LRP1B: variants seen among roughly 807,000 people sequenced by gnomAD.
LRP1B encodes LDL receptor related protein 1B, also known as low-density lipoprotein receptor-related protein 1B.
A neutral mutation model predicts 556.6 loss-of-function variants in LRP1B; 217 were observed. The observed-to-expected ratio is 0.39, with a 90% CI of 0.35 to 0.44. The LOEUF is 0.44. Ranked by LOEUF, LRP1B falls within the 20% of genes least tolerant of loss-of-function variation. LRP1B has a pLI of 1.00. For synonymous variants in LRP1B, 2,047 were observed against 1,865.8 expected (o/e 1.10, Z -2.50); for missense variants, 5,053 against 5,620.8 (o/e 0.90, Z 3.23).
intron 27 of LRP1B, among the ~76,000 whole-genome samples, chr2:140,862,461 A>C (rs1692827626): frequency 5.9e-5 from 9 of 152,146 alleles, no homozygotes; most frequent in Admixed American, 5.9e-4. Context: ...TCAAATATTC[A>C]TTATTATTAT....
At chr2:140,408,177 A>G (rs1684826914) in intron 66 of LRP1B, among the ~76,000 whole-genome samples, 1 of 151,830 alleles carries the variant, frequency 6.6e-6, no homozygotes, top group South Asian at 2.1e-4. Context: ...GAGGATTTAC[A>G]GGCGATGTGG....
At chr2:140,660,171 T>G (rs1013827172) in intron 41 of LRP1B, among the ~76,000 whole-genome samples, 16 of 152,128 alleles carry the variant, frequency 1.1e-4, no homozygotes, top group African/African-American at 3.9e-4. Flanking sequence ...TGCAAAAGTG[T>G]TTTTTTCAAC....
chr2:140,647,319 C>A (rs1684519705), intron 41 of LRP1B, among the ~76,000 whole-genome samples: 1 of 152,176 alleles, frequency 6.6e-6, no homozygotes, highest in Non-Finnish European at 1.5e-5. Context: ...TGCTTTACAT[C>A]ATCAGTGAAC....
At chr2:140,674,597 C>G (rs964641681) in intron 41 of LRP1B, among the ~76,000 whole-genome samples, 1 of 152,142 alleles carries the variant, frequency 6.6e-6, no homozygotes, top group Non-Finnish European at 1.5e-5. Context: ...GTTGTCTTGC[C>G]TTTCCCAACT....
In LRP1B at chr2:140,970,035, C is replaced by T. The variant is rs184874121; in HGVS notation, c.2887+12125G>A. On this transcript the variant is annotated intron_variant, in intron 18 of 90. Coordinates refer to ENST00000389484, the MANE Select transcript of LRP1B (RefSeq NM_018557.3). Reference sequence around the variant, plus strand: ...CTCTTCTCAAGGACCATCTTTGGGGCATTCTCTGTATTTCCTGAATTTGAA... The same window carrying T: ...CTCTTCTCAAGGACCATCTTTGGGGTATTCTCTGTATTTCCTGAATTTGAA... Among the ~76,000 whole-genome samples the T allele has an allele frequency of 1.4e-3, 215 of 152,156 alleles. 1 individual carries two copies. Among genetic ancestry groups the T allele is most frequent in the African/African-American group, 4.7e-3 (194 of 41,526 alleles).
intron 3 of LRP1B, among the ~76,000 whole-genome samples, chr2:141,332,336 C>A (rs185958956): frequency 4.1e-4 from 63 of 151,926 alleles, no homozygotes; most frequent in African/African-American, 1.5e-3. Flanking sequence ...ATCTTGGAAT[C>A]TCACTTCTCT....
intron 7 of LRP1B, among the ~76,000 whole-genome samples, chr2:141,166,484 T>G (rs1323414371): frequency 1.3e-5 from 2 of 151,502 alleles, no homozygotes; most frequent in Non-Finnish European, 2.9e-5. Flanking sequence ...CATATCAGAG[T>G]AAATGGGGTA....
chr2:140,394,122 ATATTTTTT>A (rs1230794373), intron 66 of LRP1B, among the ~76,000 whole-genome samples: 8 of 127,794 alleles, frequency 6.3e-5, no homozygotes, highest in African/African-American at 2.3e-4. Context: ...TTACTGGCAC[ATATTTTTT>A]TTTTTTTTTT....
intron 25 of LRP1B, among the ~76,000 whole-genome samples, chr2:140,883,543 C>T (rs1693538804): frequency 1.3e-5 from 2 of 148,788 alleles, no homozygotes; most frequent in African/African-American, 2.5e-5. Flanking sequence ...CCAATAGGGC[C>T]TAATGCCCAC....
chr2:140,431,768 CA>C (rs1167695758), intron 66 of LRP1B, among the ~76,000 whole-genome samples: 1 of 152,020 alleles, frequency 6.6e-6, no homozygotes, highest in Non-Finnish European at 1.5e-5. Context: ...TTCTAAATGA[CA>C]AATGTTTCTT....
intron 2 of LRP1B, among the ~76,000 whole-genome samples, chr2:141,733,757 T>C (rs1377196577): frequency 6.6e-6 from 1 of 152,148 alleles, no homozygotes; most frequent in Non-Finnish European, 1.5e-5. Flanking sequence ...ACTGCTAGAA[T>C]TGGCCTTCCT....
At chr2:141,556,402 A>T (rs1167491059) in intron 2 of LRP1B, among the ~76,000 whole-genome samples, 1 of 151,958 alleles carries the variant, frequency 6.6e-6, no homozygotes, top group Non-Finnish European at 1.5e-5. Context: ...AGTGAAATTT[A>T]ATCACTGTCA....
intron 1 of LRP1B, among the ~76,000 whole-genome samples, chr2:141,878,098 T>A (rs1346658454): frequency 6.6e-6 from 1 of 151,868 alleles, no homozygotes; most frequent in African/African-American, 2.4e-5. Flanking sequence ...AAAAATCCCC[T>A]CTTAAAGGAC....
intron 85 of LRP1B, among the ~76,000 whole-genome samples, chr2:140,271,050 T>G (rs1329130405): frequency 6.6e-6 from 1 of 151,900 alleles, no homozygotes; most frequent in Non-Finnish European, 1.5e-5. Flanking sequence ...GCATCACAGG[T>G]TAGGGACAAG....
intron 1 of LRP1B, among the ~76,000 whole-genome samples, chr2:141,869,987 A>C: frequency 6.6e-6 from 1 of 152,030 alleles, no homozygotes; most frequent in East Asian, 1.9e-4. Flanking sequence ...AAGCTAAAGG[A>C]TCACAATTTT....
At chr2:141,031,251 T>TCTCACA (rs866376802) in intron 11 of LRP1B, among the ~76,000 whole-genome samples, 2 of 121,558 alleles carry the variant, frequency 1.6e-5, no homozygotes, top group African/African-American at 3.1e-5. Flanking sequence ...TATATACATA[T>TCTCACA]CACACACACA....
At position 141,366,383 on chromosome 2, in the gene LRP1B, T is replaced by C. The variant is rs374943259; in HGVS notation, c.344-111742A>G. Among the ~76,000 whole-genome samples the C allele has an allele frequency of 6.6e-5, 10 of 152,356 alleles. No individual in the cohort carries two copies. The South Asian group carries it at 1.7e-3, about 25-fold the overall frequency. On this transcript the variant is annotated intron_variant, in intron 3 of 90. Coordinates refer to ENST00000389484, the MANE Select transcript of LRP1B (RefSeq NM_018557.3). ...AATAAACACAATAACTAAGCTTTCATGTATAAATGTTCACCAATTTCTTCT... is the reference window on the plus strand; with the variant it reads ...AATAAACACAATAACTAAGCTTTCACGTATAAATGTTCACCAATTTCTTCT...
intron 2 of LRP1B, chr2:141,805,315 A>G (rs1012501319): frequency 2.6e-5 from 4 of 152,154 alleles, no homozygotes; most frequent in African/African-American, 9.7e-5. Context: ...TGAATCTGTC[A>G]TAGCAGTTCT....
At chr2:140,796,068 T>TCTAC (rs912402920) in intron 32 of LRP1B, among the ~76,000 whole-genome samples, 1 of 151,854 alleles carries the variant, frequency 6.6e-6, no homozygotes, top group Non-Finnish European at 1.5e-5. Context: ...TATCTATCTA[T>TCTAC]CTATCTATGT....
Sources: gnomAD v4.1 joint callset for allele counts (sites outside exome capture counted in the v4.1 genomes callset) on GRCh38, gnomAD v4.1.1 for gene constraint, MANE v1.5 for transcripts, NCBI Gene and HGNC (gene_info 2026-07-23, HGNC 2026-07-21) for gene names.